The following ATP6V1H variants were observed in gnomAD, a reference collection of about 807,000 sequenced individuals.
ATP6V1H encodes ATPase H+ transporting V1 subunit H.
ATP6V1H carries 39 observed loss-of-function variants against 71.7 expected under a neutral mutation model. That is an observed-to-expected ratio of 0.54 (90% CI 0.42 to 0.71). ATP6V1H has a LOEUF of 0.71. Among genes scored for constraint, ATP6V1H ranks in the 30% least tolerant of loss-of-function variants. ATP6V1H has a pLI of 0.00. For missense variants in ATP6V1H, 509 were observed against 594.9 expected (o/e 0.86, Z 1.50); for synonymous variants, 192 against 199.3 (o/e 0.96, Z 0.31).
chr8:53,780,518 GTTA>G (rs1424565651), intron 9 of ATP6V1H, among the ~76,000 whole-genome samples: 23 of 151,228 alleles, frequency 1.5e-4, no homozygotes, highest in African/African-American at 5.4e-4. Context: ...TTTGAAATAT[GTTA>G]TATTTTTTTT....
intron 2 of ATP6V1H, among the ~76,000 whole-genome samples, chr8:53,835,257 G>C (rs1201905322): frequency 6.6e-6 from 1 of 152,222 alleles, no homozygotes; most frequent in Non-Finnish European, 1.5e-5. Flanking sequence ...AGTGATTTAT[G>C]AAAGAAGAGC....
At chr8:53,838,604 T>A (rs1274525100) in intron 2 of ATP6V1H, among the ~76,000 whole-genome samples, 1 of 152,156 alleles carries the variant, frequency 6.6e-6, no homozygotes, top group African/African-American at 2.4e-5. Flanking sequence ...TGTTTCCTCA[T>A]GAGATTTAAA....
intron 11 of ATP6V1H, among the ~76,000 whole-genome samples, chr8:53,767,842 A>G (rs1808523190): frequency 6.6e-6 from 1 of 152,230 alleles, no homozygotes; most frequent in Non-Finnish European, 1.5e-5. Flanking sequence ...ACCCAAATGT[A>G]AGAACTAAAT....
intron 12 of ATP6V1H, among the ~76,000 whole-genome samples, chr8:53,752,638 C>G (rs1807837721): frequency 6.6e-6 from 1 of 152,152 alleles, no homozygotes; most frequent in Admixed American, 6.5e-5. Flanking sequence ...GCAACCTCCA[C>G]CTCCTGGGTT....
At chr8:53,736,991 G>A (rs1316852502) in intron 13 of ATP6V1H, among the ~76,000 whole-genome samples, 2 of 152,190 alleles carry the variant, frequency 1.3e-5, no homozygotes, top group Admixed American at 1.3e-4. Flanking sequence ...TTTCTGTTCT[G>A]TTCTGTCTTG....
intron 2 of ATP6V1H, among the ~76,000 whole-genome samples, chr8:53,834,653 T>C (rs549328731): frequency 6.6e-6 from 1 of 152,158 alleles, no homozygotes; most frequent in East Asian, 1.9e-4. Flanking sequence ...CTCGAACTCC[T>C]GATCTCGTGA....
chr8:53,730,612 G>A (rs1355677947), intron 13 of ATP6V1H, among the ~76,000 whole-genome samples: 2 of 152,104 alleles, frequency 1.3e-5, no homozygotes, highest in East Asian at 1.9e-4. Context: ...CTGTGCCCAC[G>A]TATTCAGGGC....
At chr8:53,782,673 T>C (rs1419046130) in intron 9 of ATP6V1H, among the ~76,000 whole-genome samples, 7 of 152,210 alleles carry the variant, frequency 4.6e-5, no homozygotes, top group Non-Finnish European at 1.0e-4. Context: ...ATATTGGCTG[T>C]GGGTTTCTCA....
At chr8:53,739,091 C>T (rs1807329118) in intron 13 of ATP6V1H, among the ~76,000 whole-genome samples, 1 of 151,776 alleles carries the variant, frequency 6.6e-6, no homozygotes, top group Admixed American at 6.6e-5. Context: ...ATTTCAGGTA[C>T]CTAGAAAATT....
intron 13 of ATP6V1H, among the ~76,000 whole-genome samples, chr8:53,730,130 G>A (rs1039100179): frequency 4.6e-5 from 7 of 152,212 alleles, no homozygotes; most frequent in African/African-American, 1.7e-4. Context: ...AGAATGGGAG[G>A]TGGAAAACAC....
chr8:53,792,204 TA>T (rs1809589473), intron 9 of ATP6V1H, among the ~76,000 whole-genome samples: 1 of 152,156 alleles, frequency 6.6e-6, no homozygotes, highest in African/African-American at 2.4e-5. Context: ...GGGAGAGAAG[TA>T]AGGAGGCTCC....
chr8:53,770,596 A>G (rs1726307046), intron 10 of ATP6V1H, among the ~76,000 whole-genome samples: 2 of 152,214 alleles, frequency 1.3e-5, no homozygotes, highest in African/African-American at 4.8e-5. Context: ...TAAGAAGTAA[A>G]CAAGTATTTT....
intron 4 of ATP6V1H, among the ~76,000 whole-genome samples, chr8:53,825,377 C>A (rs1231500662): frequency 1.3e-5 from 2 of 151,194 alleles, no homozygotes; most frequent in South Asian, 2.1e-4. Context: ...ACAGATTTAA[C>A]ACAACTTAGT....
chr8:53,737,753 A>T (rs1449850371), intron 13 of ATP6V1H, among the ~76,000 whole-genome samples: 3 of 152,282 alleles, frequency 2.0e-5, no homozygotes, highest in African/African-American at 4.8e-5. Flanking sequence ...ATTTAGATTT[A>T]AAAATGTAAC....
At chr8:53,791,330 A>G (rs986793335) in intron 9 of ATP6V1H, among the ~76,000 whole-genome samples, 1 of 152,212 alleles carries the variant, frequency 6.6e-6, no homozygotes, top group African/African-American at 2.4e-5. Context: ...TGTGAGCACA[A>G]GTTAGTGTCA....
intron 7 of ATP6V1H, among the ~76,000 whole-genome samples, chr8:53,804,670 T>C (rs2130444466): frequency 6.6e-6 from 1 of 152,126 alleles, no homozygotes; most frequent in East Asian, 1.9e-4. Flanking sequence ...TGACACCCTG[T>C]CTCAAAAAAA....
rs181266309 is a variant in ATP6V1H at position 53,802,382 on chromosome 8, G to A, written c.580-486C>T. On this transcript the variant is annotated intron_variant, in intron 7 of 13. Coordinates refer to ENST00000359530, the MANE Select transcript of ATP6V1H (RefSeq NM_015941.4). ...CAATATGAAATTTCTTCATCCTCAT[G>A]AGAAAAACACTGCCAAGCACCCTGA... is the stretch of plus-strand genomic sequence containing the variant. 2.2e-3 allele frequency among the ~76,000 whole-genome samples: 338 copies of A among 152,274 alleles called. 2 individuals are homozygous for A. The highest frequency in any genetic ancestry group is 7.9e-3 in the African/African-American group (327 of 41,554).
At chr8:53,811,682 T>G (rs1810279786) in intron 6 of ATP6V1H, among the ~76,000 whole-genome samples, 2 of 152,016 alleles carry the variant, frequency 1.3e-5, no homozygotes, top group Admixed American at 6.5e-5. Context: ...ATAATGACAA[T>G]CAAAATCTCA....
chr8:53,828,259 C>G (rs1227503933), intron 4 of ATP6V1H, among the ~76,000 whole-genome samples: 1 of 152,104 alleles, frequency 6.6e-6, no homozygotes, highest in East Asian at 1.9e-4. Flanking sequence ...TAGGGTAGAA[C>G]AAACAAGTAA....
Sources: gnomAD v4.1 joint callset for allele counts (sites outside exome capture counted in the v4.1 genomes callset) on GRCh38, gnomAD v4.1.1 for gene constraint, MANE v1.5 for transcripts, NCBI Gene and HGNC (gene_info 2026-07-23, HGNC 2026-07-21) for gene names.